The following PXYLP1 variants were observed in gnomAD, a reference collection of about 807,000 sequenced individuals.
PXYLP1 encodes the protein 2-phosphoxylose phosphatase 1, also known as acid phosphatase-like 2.
Under a neutral mutation model 37.9 loss-of-function variants are expected in PXYLP1, and 17 were observed. The ratio of observed to expected loss-of-function variants is 0.45; its 90% CI spans 0.31 to 0.67. The LOEUF is 0.67. Ranked by LOEUF, PXYLP1 falls within the 30% of genes least tolerant of loss-of-function variation. PXYLP1 has a pLI of 0.07. For synonymous variants in PXYLP1, 221 were observed against 232.2 expected (o/e 0.95, Z 0.44); for missense variants, 511 against 612.0 (o/e 0.84, Z 1.74).
intron 1 of PXYLP1, among the ~76,000 whole-genome samples, chr3:141,248,407 T>C (rs1288174672): frequency 6.6e-6 from 1 of 151,756 alleles, no homozygotes; most frequent in Non-Finnish European, 1.5e-5. Context: ...CAAAGCTAAA[T>C]GTTGTAATTG....
At chr3:141,234,174 T>C (rs1940603815) in intron 1 of PXYLP1, 2 of 152,196 alleles carry the variant, frequency 1.3e-5, no homozygotes, top group Admixed American at 6.5e-5. Flanking sequence ...TAATGTGTCA[T>C]ATCACCAGAG....
At chr3:141,279,636 G>A in intron 4 of PXYLP1, 132 bp downstream of exon 4, 2 of 1,131,960 alleles carry the variant, frequency 1.8e-6, no homozygotes, top group East Asian at 2.5e-5. Flanking sequence ...CTACATGTGA[G>A]TGCCATTATA....
intron 4 of PXYLP1, among the ~76,000 whole-genome samples, chr3:141,286,492 T>G (rs990270272): frequency 4.6e-5 from 7 of 152,068 alleles, no homozygotes; most frequent in Admixed American, 3.9e-4. Context: ...TGATAAAGGA[T>G]AGGGTAGATT....
chr3:141,288,262 G>A (rs1386262351), intron 5 of PXYLP1, among the ~76,000 whole-genome samples: 1 of 152,220 alleles, frequency 6.6e-6, no homozygotes, highest in Non-Finnish European at 1.5e-5. Context: ...GCCTTTATGG[G>A]TGAATTGGGA....
At chr3:141,262,713 T>C in intron 2 of PXYLP1, 1 of 1,533,666 alleles carries the variant, frequency 6.5e-7, no homozygotes, top group South Asian at 1.2e-5. Flanking sequence ...TTCTTACTGC[T>C]CTTCTTTTAG....
chr3:141,252,899 A>T (rs746539721), intron 1 of PXYLP1, among the ~76,000 whole-genome samples: 4 of 152,200 alleles, frequency 2.6e-5, no homozygotes, highest in Non-Finnish European at 4.4e-5. Context: ...GCCACGCCTC[A>T]TGACTATTAG....
intron 1 of PXYLP1, among the ~76,000 whole-genome samples, chr3:141,248,643 GTA>G (rs1177225209): frequency 2.3e-4 from 19 of 83,118 alleles, no homozygotes; most frequent in Non-Finnish European, 4.0e-4. Flanking sequence ...ATACACACGT[GTA>G]TATATACACA....
In PXYLP1 at chr3:141,248,588, C is replaced by T. The variant is rs1263729325; in HGVS notation, c.-53-11535C>T. ...ATATATATACACACATGTATATATA[C>T]ACACACGTGTATATATACACACGTA... On this transcript the variant is annotated intron_variant, in intron 1 of 5. Transcript: ENST00000286353. Among the ~76,000 whole-genome samples, 4 of 50,922 alleles carry T rather than the reference C, an allele frequency of 7.9e-5. 1 individual carries two copies. The highest frequency in any genetic ancestry group is 3.6e-4 in the African/African-American group (2 of 5,492). The allele number at this position is 50,922 out of a possible 152,430, so 33.4% of individuals were successfully genotyped here. A position where few individuals can be genotyped will look rare whatever the true frequency, so the allele number is the denominator to read the frequency against.
rs147978864 is a variant in PXYLP1, at chr3:141,292,933, C to G, written c.1171C>G (p.Leu391Val). 1.2e-3 allele frequency: 2,008 copies of G among 1,614,174 alleles called. 3 individuals carry two copies. The highest frequency in any genetic ancestry group is 1.6e-3 in the Non-Finnish European group (1,911 of 1,180,024). The change falls in exon 6 of 6, where the codon CTT (leucine) becomes GTT (valine). Residue 391 changes from leucine to valine, a missense_variant. Leu to Val is a conservative substitution (Grantham distance 32, BLOSUM62 1). Transcript: ENST00000286353. The surrounding 1 kb of genome is among the most constrained non-coding windows in gnomAD (Gnocchi z 4.3). ...TLSPVLSALG[L>V]SEARFPRFAA... The stretch of plus-strand genomic sequence containing the variant: ...GTCACCAGTTCTCAGTGCCTTGGGC[C>G]TTTCAGAAGCCAGGTTCCCAAGGTT...
intron 1 of PXYLP1, among the ~76,000 whole-genome samples, chr3:141,238,244 C>G (rs1299018215): frequency 1.3e-5 from 2 of 152,218 alleles, no homozygotes; most frequent in Non-Finnish European, 2.9e-5. Flanking sequence ...TGTTGACGGG[C>G]ATGGGTTTCC....
At chr3:141,257,276 C>T (rs542935018) in intron 1 of PXYLP1, among the ~76,000 whole-genome samples, 62 of 152,318 alleles carry the variant, frequency 4.1e-4, no homozygotes, top group African/African-American at 1.4e-3. Flanking sequence ...CATGTGGTCT[C>T]TCATGCACCA....
At chr3:141,257,944 A>G (rs910324187) in intron 1 of PXYLP1, among the ~76,000 whole-genome samples, 1 of 151,746 alleles carries the variant, frequency 6.6e-6, no homozygotes, top group African/African-American at 2.4e-5. Context: ...AGAGAGAAAG[A>G]AAGAAGAAAA....
At chr3:141,263,838 G>C (rs1023542973) in intron 2 of PXYLP1, among the ~76,000 whole-genome samples, 15 of 152,158 alleles carry the variant, frequency 9.9e-5, no homozygotes, top group Non-Finnish European at 2.2e-4. Context: ...CGGAGATACG[G>C]GAAAACCCTT....
intron 1 of PXYLP1, among the ~76,000 whole-genome samples, chr3:141,246,506 G>A (rs773824094): frequency 6.6e-6 from 1 of 152,228 alleles, no homozygotes; most frequent in Non-Finnish European, 1.5e-5. Context: ...CCAGGGCATG[G>A]TCAGCAGTCA....
intron 5 of PXYLP1, among the ~76,000 whole-genome samples, chr3:141,289,479 G>A (rs1053344317): frequency 6.6e-6 from 1 of 152,040 alleles, no homozygotes. Context: ...CCTCTCTGAA[G>A]GCAGTAGCAC....
chr3:141,247,655 C>G (rs1940993035), intron 1 of PXYLP1, among the ~76,000 whole-genome samples: 1 of 152,206 alleles, frequency 6.6e-6, no homozygotes, highest in Admixed American at 6.5e-5. Context: ...TCCTATAACA[C>G]ACAACAGTAC....
Position 141,292,183 on chromosome 3 carries a change from C to A in PXYLP1, c.506-85C>A. ...GCCATTCTCTTGCCCTAAAACACTC[C>A]AGAGCCACACGCTGACTCCACCTCC... On this transcript the variant is annotated intron_variant, in intron 5 of 5. Coordinates refer to ENST00000286353, the MANE Select transcript of PXYLP1 (RefSeq NM_001037172.3). This position sits in a 1 kb window ranked among gnomAD's most constrained non-coding sequence, Gnocchi z 4.3. 7.4e-7 allele frequency: 1 copy of A among 1,346,808 alleles called. No individual in the cohort carries two copies. Among genetic ancestry groups the A allele is most frequent in the Non-Finnish European group, 1.0e-6 (1 of 981,302 alleles). 83.4% of individuals were successfully genotyped at this position (1,346,808 alleles called of 1,614,324 possible).
intron 2 of PXYLP1, among the ~76,000 whole-genome samples, chr3:141,269,524 A>T (rs1005264382): frequency 3.3e-5 from 5 of 152,084 alleles, no homozygotes; most frequent in African/African-American, 1.2e-4. Context: ...TGAGTGTTGA[A>T]ATTGAAAACC....
chr3:141,253,640 C>T (rs573019149), intron 1 of PXYLP1, among the ~76,000 whole-genome samples: 2 of 151,912 alleles, frequency 1.3e-5, no homozygotes, highest in African/African-American at 4.8e-5. Context: ...CTCCCTACTT[C>T]CCTCGCCAGA....
Sources: allele counts gnomAD v4.1 joint callset (sites outside exome capture counted in the v4.1 genomes callset), GRCh38; gene constraint gnomAD v4.1.1; non-coding constraint Gnocchi (gnomAD v3.1); transcripts MANE v1.5; gene names NCBI Gene and HGNC (gene_info 2026-07-23, HGNC 2026-07-21).